Variants in PARPBP observed in about 807,000 individuals in gnomAD.
PARPBP encodes PCNA-interacting partner.
PARPBP carries 52 observed loss-of-function variants against 50.0 expected under a neutral mutation model. The ratio of observed to expected loss-of-function variants is 1.04; its 90% CI spans 0.83 to 1.31. PARPBP has a LOEUF of 1.31. PARPBP is among the 50% of genes most tolerant of loss of function. PARPBP has a pLI of 0.00. For missense variants in PARPBP, 697 were observed against 672.0 expected (o/e 1.04, Z -0.41); for synonymous variants, 244 against 232.1 (o/e 1.05, Z -0.47).
chr12:102,137,385 T>A (rs1238058165), intron 2 of PARPBP, among the ~76,000 whole-genome samples: 1 of 152,176 alleles, frequency 6.6e-6, no homozygotes, highest in East Asian at 1.9e-4. Context: ...TTCTCAACTG[T>A]TAAAGTGGGA....
At chr12:102,193,936 C>G (rs1056326296) in intron 9 of PARPBP, among the ~76,000 whole-genome samples, 1 of 151,862 alleles carries the variant, frequency 6.6e-6, no homozygotes, top group Admixed American at 6.6e-5. Context: ...GCATTTTATG[C>G]TTAAATGGAA....
At chr12:102,176,711 A>G (rs189739146) in intron 7 of PARPBP, among the ~76,000 whole-genome samples, 1 of 152,286 alleles carries the variant, frequency 6.6e-6, no homozygotes, top group East Asian at 1.9e-4. Flanking sequence ...ATGAAGAAAG[A>G]CTTTTGCTTA....
At chr12:102,143,718 C>T (rs1057108135) in intron 2 of PARPBP, among the ~76,000 whole-genome samples, 1 of 151,966 alleles carries the variant, frequency 6.6e-6, no homozygotes, top group Non-Finnish European at 1.5e-5. Context: ...TTTTGGCTTT[C>T]TTTCTTTGGA....
intron 2 of PARPBP, among the ~76,000 whole-genome samples, chr12:102,130,408 G>A (rs1159880677): frequency 1.3e-5 from 2 of 152,168 alleles, no homozygotes; most frequent in East Asian, 3.9e-4. Context: ...TTAAACTAGA[G>A]AGCTTCTACA....
rs562963823 is a variant in PARPBP, at chr12:102,132,654, T to C, written c.153+8613T>C. Among the ~76,000 whole-genome samples, 9 of 152,324 alleles carry C rather than the reference T, an allele frequency of 5.9e-5. No individual in the cohort carries two copies. The East Asian group carries it at 1.2e-3, about 20-fold the overall frequency. ...CTGTTTGGGGTCTGTTGTAGTTCCA[T>C]ATAAATTTTAAAATTGTTTTTTCTA... On this transcript the variant is annotated intron_variant, in intron 2 of 10. Coordinates refer to ENST00000327680, the MANE Select transcript of PARPBP (RefSeq NM_017915.5).
At chr12:102,122,994 C>T (rs1033998019) in intron 1 of PARPBP, among the ~76,000 whole-genome samples, 1 of 152,164 alleles carries the variant, frequency 6.6e-6, no homozygotes, top group Non-Finnish European at 1.5e-5. Context: ...TTCTGTGGAT[C>T]AGCAGTTTGG....
chr12:102,138,820 G>C (rs1187147631), intron 2 of PARPBP, among the ~76,000 whole-genome samples: 1 of 152,102 alleles, frequency 6.6e-6, no homozygotes, highest in East Asian at 1.9e-4. Flanking sequence ...TTATTTCTGA[G>C]GGCTCTGTTC....
chr12:102,125,701 T>C (rs891807243), intron 2 of PARPBP, among the ~76,000 whole-genome samples: 3 of 152,220 alleles, frequency 2.0e-5, no homozygotes, highest in African/African-American at 7.2e-5. Context: ...GTTAAAACGG[T>C]GAGCAAAACT....
chr12:102,182,250 A>G (rs1340239373), intron 8 of PARPBP, among the ~76,000 whole-genome samples: 1 of 152,162 alleles, frequency 6.6e-6, no homozygotes, highest in Non-Finnish European at 1.5e-5. Context: ...TAAACAACTG[A>G]TACTCTGCTG....
intron 2 of PARPBP, among the ~76,000 whole-genome samples, chr12:102,124,870 AGACACT>A (rs1282800625): frequency 2.0e-5 from 3 of 152,212 alleles, no homozygotes; most frequent in Admixed American, 6.5e-5. Flanking sequence ...AAAAATTATT[AGACACT>A]GACAGATTTT....
intron 2 of PARPBP, among the ~76,000 whole-genome samples, chr12:102,134,238 C>CAAAAAA (rs771158918): frequency 1.1e-5 from 1 of 91,326 alleles, no homozygotes; most frequent in African/African-American, 3.8e-5. Flanking sequence ...AGAGAAGCCT[C>CAAAAAA]AAAAAAAAAA....
chr12:102,188,268 T>G (rs868481578), intron 9 of PARPBP, among the ~76,000 whole-genome samples: 1 of 152,038 alleles, frequency 6.6e-6, no homozygotes, highest in South Asian at 2.1e-4. Context: ...GCTGGTCTTT[T>G]TTTTTTTTCA....
intron 2 of PARPBP, among the ~76,000 whole-genome samples, chr12:102,141,963 C>G (rs1884672456): frequency 6.6e-6 from 1 of 152,098 alleles, no homozygotes; most frequent in Admixed American, 6.6e-5. Context: ...AATTATGTGT[C>G]TTGGAGTTGG....
intron 3 of PARPBP, chr12:102,151,494 A>T: frequency 4.1e-6 from 4 of 971,376 alleles, no homozygotes; most frequent in Non-Finnish European, 6.2e-6. Flanking sequence ...AGATGCATCA[A>T]CATCAGTGAA....
chr12:102,167,740 A>T (rs779188335), intron 6 of PARPBP, among the ~76,000 whole-genome samples: 4 of 152,120 alleles, frequency 2.6e-5, no homozygotes, highest in Non-Finnish European at 5.9e-5. Flanking sequence ...CCGTATGTAG[A>T]CTTACTCAAT....
chr12:102,162,493 G>T (rs1252745205), intron 4 of PARPBP, among the ~76,000 whole-genome samples: 2 of 152,082 alleles, frequency 1.3e-5, no homozygotes, highest in African/African-American at 4.8e-5. Context: ...AAGTAGTTGA[G>T]AAGGCAAAAA....
rs1319131739 is a variant in PARPBP, at chr12:102,195,952, G to A, written c.1401G>A (p.Glu467=). ...TCCCCTTTTTATCTTGCATAACAGA[G>A]GGTGTAAATCCATCTGTTGGAAGAT... ...CVLYMENDLS[E]GVNPSVGRST... is the part of the protein sequence containing the mutation. Residue 467 remains glutamate, a splice_region_variant and synonymous_variant, in exon 11 of 11, where the codon GAG becomes GAA. Transcript: ENST00000327680. The A allele has an allele frequency of 6.4e-7, 1 of 1,559,908 alleles. No individual in the cohort carries two copies. Among genetic ancestry groups the A allele is most frequent in the South Asian group, 1.2e-5 (1 of 83,866 alleles).
intron 10 of PARPBP, 101 bp from the exon 11 acceptor site, chr12:102,195,850 T>C: frequency 1.5e-6 from 1 of 668,452 alleles, no homozygotes; most frequent in South Asian, 2.2e-5. Context: ...TTTAAAAATT[T>C]GAATATTCGT....
At chr12:102,182,713 A>G (rs1427207369) in intron 9 of PARPBP, 86 bp downstream of exon 9, 1 of 873,188 alleles carries the variant, frequency 1.1e-6, no homozygotes, top group Non-Finnish European at 1.9e-6. Context: ...TGGGTATTGT[A>G]AATATTGTAA....
Sources: allele counts gnomAD v4.1 joint callset (sites outside exome capture counted in the v4.1 genomes callset), GRCh38; gene constraint gnomAD v4.1.1; transcripts MANE v1.5; gene names NCBI Gene and HGNC (gene_info 2026-07-23, HGNC 2026-07-21).